STOX2: variants seen among roughly 807,000 people sequenced by gnomAD.
STOX2 encodes the protein storkhead-box protein 2.
A neutral mutation model predicts 60.9 loss-of-function variants in STOX2; 28 were observed. The observed-to-expected ratio is 0.46, with a 90% CI of 0.34 to 0.63. The LOEUF is 0.63. Among genes scored for constraint, STOX2 ranks in the 30% least tolerant of loss-of-function variants. STOX2 has a pLI of 0.01. For synonymous variants in STOX2, 472 were observed against 463.9 expected (o/e 1.02, Z -0.22); for missense variants, 1,024 against 1,187.7 (o/e 0.86, Z 2.03).
intron 1 of STOX2, among the ~76,000 whole-genome samples, chr4:183,847,953 A>G (rs750232088): frequency 2.6e-5 from 4 of 152,124 alleles, no homozygotes; most frequent in Admixed American, 1.3e-4. Flanking sequence ...CCTTTGGTAT[A>G]AAGAGAACTA....
chr4:183,847,028 G>A (rs1740005354), intron 1 of STOX2, among the ~76,000 whole-genome samples: 1 of 152,178 alleles, frequency 6.6e-6, no homozygotes, highest in East Asian at 1.9e-4. Context: ...GGTTAGCTTA[G>A]CAATTTGACA....
At chr4:183,982,461 A>G (rs1000982814) in intron 1 of STOX2, among the ~76,000 whole-genome samples, 15 of 152,236 alleles carry the variant, frequency 9.9e-5, no homozygotes, top group African/African-American at 3.1e-4. Flanking sequence ...CTGTTTTCCA[A>G]ACTGCTTTTG....
chr4:183,924,581 C>T (rs778599706), intron 1 of STOX2, among the ~76,000 whole-genome samples: 19 of 152,100 alleles, frequency 1.2e-4, no homozygotes, highest in Non-Finnish European at 2.2e-4. Context: ...GAGGAGCTGT[C>T]GGGTTATTCT....
intron 2 of STOX2, among the ~76,000 whole-genome samples, chr4:184,005,280 C>G (rs374348874): frequency 6.6e-6 from 1 of 151,876 alleles, no homozygotes; most frequent in Non-Finnish European, 1.5e-5. Context: ...GCCAACATGA[C>G]GAAACCTTGT....
upstream of STOX2, among the ~76,000 whole-genome samples, chr4:183,902,613 G>A (rs1035426433): frequency 6.6e-6 from 1 of 152,146 alleles, no homozygotes; most frequent in Non-Finnish European, 1.5e-5. Flanking sequence ...TGACCAGAGT[G>A]ACTCTTTCCA....
chr4:183,997,923 T>A (rs1459800310), intron 1 of STOX2, among the ~76,000 whole-genome samples: 1 of 152,204 alleles, frequency 6.6e-6, no homozygotes, highest in East Asian at 1.9e-4. Context: ...CTGCAATGAA[T>A]GAAAAGAAAT....
At chr4:183,992,145 G>A (rs1209598380) in intron 1 of STOX2, among the ~76,000 whole-genome samples, 1 of 152,194 alleles carries the variant, frequency 6.6e-6, no homozygotes, top group Non-Finnish European at 1.5e-5. Context: ...AGGGGTAGAA[G>A]CGTGTTCGGT....
At chr4:183,803,937 C>T (rs571090801) in intron 1 of STOX2, among the ~76,000 whole-genome samples, 1 of 152,074 alleles carries the variant, frequency 6.6e-6, no homozygotes, top group African/African-American at 2.4e-5. Context: ...CACTGCACTC[C>T]AGCCTGGGTG....
chr4:183,906,729 G>A lies in STOX2; in HGVS notation c.-62G>A, dbSNP rs1741624280. 2 of 1,435,114 alleles carry A rather than the reference G, an allele frequency of 1.4e-6. No individual in the cohort carries two copies. Among genetic ancestry groups the A allele is most frequent in the African/African-American group, 2.9e-5 (2 of 68,534 alleles). 88.9% of individuals were successfully genotyped at this position (1,435,114 alleles called of 1,614,324 possible). The stretch of plus-strand genomic sequence containing the variant: ...TCGTGCCCGCCGTAGACGGATGAAG[G>A]AGCGCGCTGCGCCCCGGCGCTGAGG... On this transcript the variant is annotated 5_prime_UTR_variant, in exon 1 of 4. Transcript: ENST00000308497.
In STOX2 at chr4:183,968,756, G is replaced by C. The variant is rs950002289; in HGVS notation, c.167-32569G>C. Among the ~76,000 whole-genome samples, 74 of 151,962 alleles carry C rather than the reference G, an allele frequency of 4.9e-4. 1 individual carries two copies. The highest frequency in any genetic ancestry group is 3.0e-3 in the Admixed American group (46 of 15,260). On this transcript the variant is annotated intron_variant, in intron 1 of 3. Transcript: ENST00000308497. The stretch of plus-strand genomic sequence containing the variant: ...CTGAGAGTAGGTTGGGTTGCGGCAG[G>C]GGGGCGGGGGGTGTTGGGTGGCAGG...
rs138852037 is a variant in STOX2, at chr4:183,890,223, G to A, written c.364+92168G>A. Among the ~76,000 whole-genome samples, 781 of 152,206 alleles carry A rather than the reference G, an allele frequency of 5.1e-3. 7 individuals carry two copies. Among genetic ancestry groups the A allele is most frequent in the Non-Finnish European group, 7.2e-3 (488 of 68,016 alleles). ...ATTTAAAACAGCAACAGGGCCGGGCGCCTGTAATCCCAGCCCTTTGAAAGG... is the reference window on the plus strand; with the variant it reads ...ATTTAAAACAGCAACAGGGCCGGGCACCTGTAATCCCAGCCCTTTGAAAGG... On this transcript the variant is annotated intron_variant, in intron 1 of 2. Transcript: ENST00000513034.
At chr4:183,849,165 G>T (rs754555078) in intron 1 of STOX2, among the ~76,000 whole-genome samples, 9 of 152,224 alleles carry the variant, frequency 5.9e-5, no homozygotes, top group Non-Finnish European at 1.2e-4. Flanking sequence ...GATTTCCTGG[G>T]CAGTTACCAA....
intron 1 of STOX2, among the ~76,000 whole-genome samples, chr4:183,933,534 G>A (rs963773120): frequency 3.9e-5 from 6 of 152,114 alleles, no homozygotes; most frequent in East Asian, 1.9e-4. Flanking sequence ...GATTACAGGC[G>A]CCCGCCACCA....
At position 183,995,291 on chromosome 4, in the gene STOX2, C is replaced by CTTT. The variant is rs61681165; in HGVS notation, c.167-6004_167-6002dup. Among the ~76,000 whole-genome samples the CTTT allele has an allele frequency of 6.9e-3, 551 of 79,374 alleles. 23 individuals carry two copies. The highest frequency in any genetic ancestry group is 0.011 in the Admixed American group (72 of 6,702). The allele number at this position is 79,374 out of a possible 152,430, so 52.1% of individuals were successfully genotyped here. A position where few individuals can be genotyped will look rare whatever the true frequency, so the allele number is the denominator to read the frequency against. ...ATAAAGGACAGGGCTTTATTTTAGT[C>CTTT]TTTTTTTTTTTTTTTTTTTTTTTTT... is the stretch of plus-strand genomic sequence containing the variant. On this transcript the variant is annotated intron_variant, in intron 1 of 3. Transcript: ENST00000308497.
At chr4:183,966,368 C>T (rs900493531) in intron 1 of STOX2, among the ~76,000 whole-genome samples, 2 of 152,228 alleles carry the variant, frequency 1.3e-5, no homozygotes, top group African/African-American at 4.8e-5. Flanking sequence ...AATTTACACA[C>T]AGTGAGTTTC....
upstream of STOX2, among the ~76,000 whole-genome samples, chr4:183,904,497 T>TA (rs568072397): frequency 4.1e-4 from 63 of 152,344 alleles, no homozygotes; most frequent in African/African-American, 1.4e-3. Context: ...GCAGTTCTCT[T>TA]ACAGGAAAGA....
chr4:183,854,722 G>A lies in STOX2; in HGVS notation c.364+56667G>A, dbSNP rs114785595. Among the ~76,000 whole-genome samples the A allele has an allele frequency of 6.1e-3, 934 of 152,198 alleles. 14 individuals carry two copies. Among genetic ancestry groups the A allele is most frequent in the African/African-American group, 0.022 (897 of 41,506 alleles). ...TTCTCATAAATGATTTTGATATAGA[G>A]CACTGAAAATACAATTTAATGGAAT... On this transcript the variant is annotated intron_variant, in intron 1 of 2. Coordinates refer to the STOX2 transcript ENST00000513034.
chr4:183,877,230 A>C (rs1032003720), intron 1 of STOX2, among the ~76,000 whole-genome samples: 5 of 152,148 alleles, frequency 3.3e-5, no homozygotes, highest in African/African-American at 9.7e-5. Flanking sequence ...CCCTGAACTA[A>C]AGTCCTGCTA....
At chr4:183,990,850 A>G (rs1175016395) in intron 1 of STOX2, among the ~76,000 whole-genome samples, 1 of 151,946 alleles carries the variant, frequency 6.6e-6, no homozygotes, top group East Asian at 1.9e-4. Context: ...ATTATATTGG[A>G]CAAGCCATCC....
Sources: allele counts gnomAD v4.1 joint callset (sites outside exome capture counted in the v4.1 genomes callset), GRCh38; gene constraint gnomAD v4.1.1; transcripts MANE v1.5; gene names NCBI Gene and HGNC (gene_info 2026-07-23, HGNC 2026-07-21).